TBC1D5: variants seen among roughly 807,000 people sequenced by gnomAD.
TBC1D5 encodes TBC1 domain family member 5, also known as TBC1 domain family, member 5.
TBC1D5 carries 75 observed loss-of-function variants against 100.3 expected under a neutral mutation model. That is an observed-to-expected ratio of 0.75 (90% confidence interval 0.62 to 0.91). TBC1D5 has a LOEUF of 0.91. TBC1D5 is among the 40% of genes least tolerant of loss of function. The pLI is 0.00. For missense variants in TBC1D5, 910 were observed against 942.4 expected (o/e 0.97, Z 0.45); for synonymous variants, 323 against 325.6 (o/e 0.99, Z 0.09).
intron 1 of TBC1D5, among the ~76,000 whole-genome samples, chr3:17,644,881 G>C (rs1043822132): frequency 7.2e-5 from 11 of 152,048 alleles, no homozygotes; most frequent in African/African-American, 1.2e-4. Flanking sequence ...GATTATGGTT[G>C]CAGGATTTAT....
At chr3:17,740,319 G>C (rs2077317778) in exon 1 of TBC1D5, 1 of 151,104 alleles carries the variant, frequency 6.6e-6, no homozygotes, top group Non-Finnish European at 1.5e-5. Flanking sequence ...CTGGGCGACA[G>C]AGCGAGAGTC....
chr3:17,166,142 GAA>G (rs1471662231), intron 21 of TBC1D5, among the ~76,000 whole-genome samples: 3 of 151,834 alleles, frequency 2.0e-5, no homozygotes, highest in Non-Finnish European at 4.4e-5. Context: ...CCCAAGCTGA[GAA>G]TGGTTTATAT....
At chr3:17,191,714 T>G (rs1414273046) in intron 18 of TBC1D5, among the ~76,000 whole-genome samples, 2 of 152,090 alleles carry the variant, frequency 1.3e-5, no homozygotes, top group African/African-American at 2.4e-5. Context: ...CCTCCCACGT[T>G]CAGGCGATTC....
chr3:17,692,587 G>GT (rs1560479471), intron 1 of TBC1D5, among the ~76,000 whole-genome samples: 1 of 152,148 alleles, frequency 6.6e-6, no homozygotes, highest in Non-Finnish European at 1.5e-5. Context: ...ACAGGAGACC[G>GT]TTTTTTAAAT....
intron 2 of TBC1D5, among the ~76,000 whole-genome samples, chr3:17,556,635 G>A (rs2096523981): frequency 6.6e-6 from 1 of 152,152 alleles, no homozygotes; most frequent in South Asian, 2.1e-4. Flanking sequence ...GATCAAGAGT[G>A]ACATTTTTAA....
chr3:17,536,905 T>C (rs1216418547), intron 2 of TBC1D5, among the ~76,000 whole-genome samples: 1 of 152,124 alleles, frequency 6.6e-6, no homozygotes. Context: ...GGCCAAAGTT[T>C]TGTTATACAG....
intron 18 of TBC1D5, among the ~76,000 whole-genome samples, chr3:17,198,891 T>C (rs1347820896): frequency 6.6e-6 from 1 of 152,196 alleles, no homozygotes; most frequent in Non-Finnish European, 1.5e-5. Flanking sequence ...CCAGTATTGA[T>C]TAAAACATTC....
chr3:17,277,297 CTA>C (rs567452536), intron 15 of TBC1D5, among the ~76,000 whole-genome samples: 31 of 152,318 alleles, frequency 2.0e-4, no homozygotes, highest in African/African-American at 7.5e-4. Flanking sequence ...CCAGTTCACA[CTA>C]TCACTCTAAT....
intron 2 of TBC1D5, among the ~76,000 whole-genome samples, chr3:17,552,859 A>G (rs541979788): frequency 2.8e-4 from 42 of 152,286 alleles, no homozygotes; most frequent in Admixed American, 4.6e-4. Flanking sequence ...ACAGAGGCCC[A>G]AAGGCAGAAC....
intron 16 of TBC1D5, among the ~76,000 whole-genome samples, chr3:17,248,352 ACTT>A (rs2076919355): frequency 6.6e-6 from 1 of 152,150 alleles, no homozygotes; most frequent in Non-Finnish European, 1.5e-5. Flanking sequence ...TCTAAAATCA[ACTT>A]CTTTCAAACT....
At chr3:17,378,305 T>C (rs1333959678) in intron 9 of TBC1D5, among the ~76,000 whole-genome samples, 1 of 151,562 alleles carries the variant, frequency 6.6e-6, no homozygotes, top group Non-Finnish European at 1.5e-5. Flanking sequence ...TAAAGTCTGG[T>C]AGGATGTATA....
chr3:17,292,664 A>C (rs2081887273), intron 14 of TBC1D5, among the ~76,000 whole-genome samples: 1 of 152,104 alleles, frequency 6.6e-6, no homozygotes, highest in African/African-American at 2.4e-5. Flanking sequence ...TGTAATTATT[A>C]AACACATCTT....
intron 1 of TBC1D5, among the ~76,000 whole-genome samples, chr3:17,703,050 G>A (rs182318818): frequency 5.9e-5 from 9 of 152,124 alleles, no homozygotes; most frequent in South Asian, 2.1e-4. Flanking sequence ...ATTTAAGCTG[G>A]AAATTTATGA....
At chr3:17,229,132 G>C (rs538002181) in intron 17 of TBC1D5, among the ~76,000 whole-genome samples, 130 of 152,148 alleles carry the variant, frequency 8.5e-4, no homozygotes, top group African/African-American at 2.8e-3. Context: ...AGGTCTACGG[G>C]GGGACTTGCT....
intron 2 of TBC1D5, among the ~76,000 whole-genome samples, chr3:17,616,532 T>C (rs1475903763): frequency 1.3e-5 from 2 of 152,190 alleles, no homozygotes; most frequent in African/African-American, 2.4e-5. Context: ...TAAGTCTCTT[T>C]GTAGGTCTTT....
chr3:17,347,620 GT>G (rs2090065450), intron 13 of TBC1D5, among the ~76,000 whole-genome samples: 1 of 151,662 alleles, frequency 6.6e-6, no homozygotes, highest in South Asian at 2.1e-4. Context: ...CAACTGAGTT[GT>G]AAAAATATAA....
intron 8 of TBC1D5, among the ~76,000 whole-genome samples, chr3:17,384,356 G>C (rs1217210059): frequency 2.0e-5 from 3 of 152,008 alleles, no homozygotes; most frequent in Non-Finnish European, 2.9e-5. Flanking sequence ...TTTAGGATAA[G>C]AATGTGATTT....
intron 2 of TBC1D5, among the ~76,000 whole-genome samples, chr3:17,515,280 C>T (rs1156584082): frequency 6.6e-6 from 1 of 152,132 alleles, no homozygotes. Context: ...TGGGGCAATC[C>T]TTCTAAAAGT....
chr3:17,305,224 T>C (rs1001118934), intron 14 of TBC1D5, among the ~76,000 whole-genome samples: 2 of 152,116 alleles, frequency 1.3e-5, no homozygotes, highest in Non-Finnish European at 2.9e-5. Context: ...CTCAGACAGT[T>C]CTCTGGGGTT....
Sources: allele counts gnomAD v4.1 joint callset (sites outside exome capture counted in the v4.1 genomes callset), GRCh38; gene constraint gnomAD v4.1.1; transcripts MANE v1.5; gene names NCBI Gene and HGNC (gene_info 2026-07-23, HGNC 2026-07-21).